The following ASPH variants were observed in gnomAD, a reference collection of about 807,000 sequenced individuals.
ASPH encodes the protein aspartyl/asparaginyl beta-hydroxylase.
A neutral mutation model predicts 118.4 loss-of-function variants in ASPH; 100 were observed. That is an observed-to-expected ratio of 0.84 (90% CI 0.72 to 1.00). The LOEUF is 1.00. ASPH is among the 50% of genes least tolerant of loss of function. ASPH has a pLI of 0.00. For synonymous variants in ASPH, 315 were observed against 325.6 expected (o/e 0.97, Z 0.35); for missense variants, 920 against 919.5 (o/e 1.00, Z -0.01).
intron 24 of ASPH, among the ~76,000 whole-genome samples, chr8:61,510,839 G>A (rs1183551449): frequency 6.6e-6 from 1 of 152,206 alleles, no homozygotes; most frequent in East Asian, 1.9e-4. Context: ...GCAGGCTTCA[G>A]TGATGACCTG....
At position 61,684,047 on chromosome 8, in the gene ASPH, TC is replaced by T; in HGVS notation, c.244del (p.Glu82LysfsTer3). ...GATATCAAAATTCTTACCTAGAACT[TC>T]CTCATAGTCAACAAGATCAAACCAA... ...VVWFDLVDYEEVLGKLGIYDA... is the reference protein window; with the variant it reads ...VVWFDLVDYEXVLGKLGIYDA... On this transcript the variant is annotated frameshift_variant, in exon 2 of 25. Transcript: ENST00000379454. LOFTEE classifies it high-confidence loss of function. 6.2e-7 allele frequency: 1 copy of T among 1,613,514 alleles called. No homozygotes were observed.
intron 4 of ASPH, among the ~76,000 whole-genome samples, chr8:61,652,846 AG>A (rs944279642): frequency 1.3e-5 from 2 of 152,216 alleles, no homozygotes; most frequent in Non-Finnish European, 2.9e-5. Flanking sequence ...TTGGCCTTAA[AG>A]GAAAAAAAAT....
chr8:61,547,968 A>T, intron 21 of ASPH, 103 bp downstream of exon 21: 1 of 1,448,152 alleles, frequency 6.9e-7, no homozygotes, highest in Non-Finnish European at 9.3e-7. Flanking sequence ...CTAGAAATAA[A>T]ATCTATCTCT....
intron 17 of ASPH, among the ~76,000 whole-genome samples, chr8:61,566,755 C>A (rs1326639194): frequency 1.3e-5 from 2 of 152,220 alleles, no homozygotes; most frequent in Non-Finnish European, 2.9e-5. Flanking sequence ...AAAAGGATTA[C>A]AACTCACTGA....
At chr8:61,567,451 T>G in intron 16 of ASPH, 133 bp from the exon 17 acceptor site, 1 of 948,260 alleles carries the variant, frequency 1.1e-6, no homozygotes, top group East Asian at 2.6e-5. Flanking sequence ...TTTCTCCTTA[T>G]CAAGAGATAA....
chr8:61,593,268 C>T (rs895322796), intron 14 of ASPH, among the ~76,000 whole-genome samples: 3 of 152,090 alleles, frequency 2.0e-5, no homozygotes, highest in South Asian at 2.1e-4. Flanking sequence ...AAAATAGCCC[C>T]TTCTGAGGCT....
chr8:61,673,829 C>G (rs1823868802), intron 3 of ASPH, among the ~76,000 whole-genome samples: 1 of 152,104 alleles, frequency 6.6e-6, no homozygotes, highest in Non-Finnish European at 1.5e-5. Context: ...CTCACACACA[C>G]ACACACACAA....
chr8:61,587,492 C>T (rs1259365098), intron 14 of ASPH, among the ~76,000 whole-genome samples: 1 of 152,034 alleles, frequency 6.6e-6, no homozygotes, highest in Non-Finnish European at 1.5e-5. Context: ...ACTGGTTTTC[C>T]CCAACATGTC....
At chr8:61,711,006 TGA>T (rs1432916180) in intron 1 of ASPH, among the ~76,000 whole-genome samples, 1 of 152,152 alleles carries the variant, frequency 6.6e-6, no homozygotes, top group African/African-American at 2.4e-5. Flanking sequence ...TGAGACACCT[TGA>T]GAGAGTTAAA....
chr8:61,590,233 T>C (rs1840687723), intron 14 of ASPH, among the ~76,000 whole-genome samples: 1 of 152,104 alleles, frequency 6.6e-6, no homozygotes, highest in Non-Finnish European at 1.5e-5. Context: ...TCCCCGTGTC[T>C]GAAGAAGGAA....
chr8:61,671,646 T>C lies in ASPH; in HGVS notation c.322+9322A>G, dbSNP rs965377916. Among the ~76,000 whole-genome samples the C allele has an allele frequency of 3.3e-5, 5 of 152,336 alleles. No individual in the cohort carries two copies. The South Asian group carries it at 1.0e-3, about 32-fold the overall frequency. ...TTGATGTAAGTATTTAAAGTGATGA[T>C]AGTTAATAGCTCTGGCAACTATTTG... On this transcript the variant is annotated intron_variant, in intron 3 of 24. Transcript: ENST00000379454.
intron 14 of ASPH, among the ~76,000 whole-genome samples, chr8:61,602,499 G>C (rs886558781): frequency 6.6e-6 from 1 of 151,236 alleles, no homozygotes; most frequent in Non-Finnish European, 1.5e-5. Context: ...AATACTAAAC[G>C]GTAACAGACT....
intron 3 of ASPH, chr8:61,664,943 C>T (rs1010356278): frequency 4.3e-5 from 47 of 1,092,110 alleles, no homozygotes; most frequent in Admixed American, 5.0e-5. Context: ...TCTTATTTAA[C>T]GTCAATGAAA....
chr8:61,606,334 G>A (rs2133715662), intron 14 of ASPH: 1 of 152,296 alleles, frequency 6.6e-6, no homozygotes, highest in East Asian at 1.9e-4. Flanking sequence ...GGAAGTCAGT[G>A]ATCCTTGGGG....
At chr8:61,572,175 A>T (rs1465578280) in intron 16 of ASPH, among the ~76,000 whole-genome samples, 3 of 152,206 alleles carry the variant, frequency 2.0e-5, no homozygotes, top group Non-Finnish European at 2.9e-5. Flanking sequence ...TCTACAGCTG[A>T]GTTAGTTCCT....
At chr8:61,533,166 T>C (rs911395615) in intron 21 of ASPH, among the ~76,000 whole-genome samples, 24 of 151,942 alleles carry the variant, frequency 1.6e-4, no homozygotes, top group African/African-American at 5.6e-4. Context: ...CTATGTTAAA[T>C]TGAGCCTCTA....
rs551661669 is a variant in ASPH, at chr8:61,529,932, C to T, written c.1765-3820G>A. On this transcript the variant is annotated intron_variant, in intron 21 of 24. Coordinates refer to ENST00000379454, the MANE Select transcript of ASPH (RefSeq NM_004318.4). ...TAAGGCATAATCATCACCCAAAGCC[C>T]CACCTCTTAATACTATCACCTTGGG... Among the ~76,000 whole-genome samples the T allele has an allele frequency of 5.3e-5, 8 of 152,284 alleles. No individual in the cohort carries two copies. In the East Asian group the frequency reaches 1.5e-3, roughly 29 times the overall value.
chr8:61,520,436 TA>T lies in ASPH; in HGVS notation c.1901-2314del, dbSNP rs575742529. 1.2e-4 allele frequency among the ~76,000 whole-genome samples: 18 copies of T among 152,320 alleles called. No homozygotes were observed. The South Asian group carries it at 3.7e-3, about 32-fold the overall frequency. ...TCCTAAGATAATCACATACTGAGAATAAAATAAGAGTTACAAAAAACGCAAC... is the reference window on the plus strand; with the variant it reads ...TCCTAAGATAATCACATACTGAGAATAAATAAGAGTTACAAAAAACGCAAC... On this transcript the variant is annotated intron_variant, in intron 22 of 24. Coordinates refer to ENST00000379454, the MANE Select transcript of ASPH (RefSeq NM_004318.4).
chr8:61,638,429 C>T, intron 10 of ASPH, 66 bp from the exon 11 acceptor site: 1 of 1,371,852 alleles, frequency 7.3e-7, no homozygotes, highest in Non-Finnish European at 1.0e-6. Context: ...TGACAACATG[C>T]TTTAAGGGCA....
Sources: gnomAD v4.1 joint callset for allele counts (sites outside exome capture counted in the v4.1 genomes callset) on GRCh38, gnomAD v4.1.1 for gene constraint, MANE v1.5 for transcripts, NCBI Gene and HGNC (gene_info 2026-07-23, HGNC 2026-07-21) for gene names.